MAP3K21: variants seen among roughly 807,000 people sequenced by gnomAD.
MAP3K21 encodes the protein mitogen-activated protein kinase kinase kinase 21.
MAP3K21 carries 63 observed loss-of-function variants against 86.1 expected under a neutral mutation model. That is an observed-to-expected ratio of 0.73 (90% confidence interval 0.60 to 0.90). The LOEUF (loss-of-function observed/expected upper bound fraction) is 0.90, where lower values mean the gene tolerates loss of function less well. MAP3K21 is among the 40% of genes least tolerant of loss of function. The pLI is 0.00. For missense variants in MAP3K21, 1,220 were observed against 1,367.7 expected (o/e 0.89, Z 1.70); for synonymous variants, 558 against 564.8 (o/e 0.99, Z 0.17).
intron 1 of MAP3K21, among the ~76,000 whole-genome samples, chr1:233,337,135 G>A (rs188466371): frequency 6.6e-4 from 101 of 152,052 alleles, no homozygotes; most frequent in Middle Eastern, 3.4e-3. Flanking sequence ...TCCTGTATAG[G>A]GCCGGATAGT....
At chr1:233,330,112 A>G (rs1371036278) in intron 1 of MAP3K21, among the ~76,000 whole-genome samples, 1 of 152,242 alleles carries the variant, frequency 6.6e-6, no homozygotes, top group Non-Finnish European at 1.5e-5. Context: ...CATTGTCCCT[A>G]AAGAAGAGTG....
At chr1:233,373,718 AC>A (rs940818836) in intron 6 of MAP3K21, 3 of 152,166 alleles carry the variant, frequency 2.0e-5, no homozygotes, top group African/African-American at 7.2e-5. Flanking sequence ...CATTGAGTGG[AC>A]CCTTTTATGA....
At chr1:233,369,253 G>A (rs1375929976) in intron 5 of MAP3K21, among the ~76,000 whole-genome samples, 1 of 148,094 alleles carries the variant, frequency 6.8e-6, no homozygotes, top group Admixed American at 6.8e-5. Flanking sequence ...AGCCAGGTGT[G>A]GTGGTGTGCG....
chr1:233,328,025 C>T lies in MAP3K21; in HGVS notation c.-4C>T. The T allele has an allele frequency of 7.7e-7, 1 of 1,301,668 alleles. No homozygotes were observed. Among genetic ancestry groups the T allele is most frequent in the Non-Finnish European group, 9.7e-7 (1 of 1,029,214 alleles). 80.6% of individuals were successfully genotyped at this position (1,301,668 alleles called of 1,614,324 possible). ...CGCTCCGCCTTCCCCGCGCAGCTGC[C>T]CCCATGGCTTTGCGGGGCGCCGCGG... On this transcript the variant is annotated 5_prime_UTR_variant, in exon 1 of 10. Transcript: ENST00000366624. This position sits in a 1 kb window ranked among gnomAD's most constrained non-coding sequence, Gnocchi z 8.7.
intron 4 of MAP3K21, among the ~76,000 whole-genome samples, chr1:233,358,971 G>A (rs770706003): frequency 2.0e-5 from 3 of 151,552 alleles, no homozygotes; most frequent in African/African-American, 7.3e-5. Flanking sequence ...CACCACACCC[G>A]GCTAATTTTT....
Position 233,346,579 on chromosome 1 carries a change from G to A in MAP3K21, c.943G>A (p.Val315Met), listed in dbSNP as rs1663145742. 2 of 1,613,820 alleles carry A rather than the reference G, an allele frequency of 1.2e-6. No homozygotes were observed. Among genetic ancestry groups the A allele is most frequent in the South Asian group, 1.1e-5 (1 of 91,074 alleles). ...CACCTATGCCTGGATGGCCCCCGAA[G>A]TGATCAAGTCTTCCTTGTTTTCTAA... ...AGTYAWMAPEVIKSSLFSKGS... is the reference protein window; with the variant it reads ...AGTYAWMAPEMIKSSLFSKGS... Residue 315 changes from valine (V) to methionine (M), a missense_variant, in exon 2 of 10, where the codon GTG becomes ATG. This residue lies in a region of MAP3K21 where 89 missense variants were observed against 144.8 expected (regional missense o/e 0.61). Transcript: ENST00000366624.
rs1462894534 is a variant in MAP3K21, at chr1:233,379,215, C to T, written c.2209C>T (p.Leu737=). ...TVLLASVALG[L]DLRELHKAQA... is the part of the protein sequence containing the mutation. The stretch of plus-strand genomic sequence containing the variant: ...CCTTCTGGCATCGGTGGCTCTGGGA[C>T]TGGACCTCAGAGAGCTTCATAAAGC... Residue 737 remains leucine (L), a synonymous_variant, in exon 9 of 10, where the codon CTG becomes TTG. Coordinates refer to ENST00000366624, the MANE Select transcript of MAP3K21 (RefSeq NM_032435.3). The T allele has an allele frequency of 6.2e-7, 1 of 1,614,182 alleles. No individual in the cohort carries two copies. Among genetic ancestry groups the T allele is most frequent in the East Asian group, 2.2e-5 (1 of 44,876 alleles).
At chr1:233,380,372 T>A (rs1471454247) in intron 9 of MAP3K21, among the ~76,000 whole-genome samples, 1 of 152,198 alleles carries the variant, frequency 6.6e-6, no homozygotes, top group African/African-American at 2.4e-5. Context: ...TCCTAATCTC[T>A]TTTTAGGACA....
rs149396956 is a variant in MAP3K21 at position 233,363,331 on chromosome 1, G to T, written c.1552+1038G>T. Among the ~76,000 whole-genome samples the T allele has an allele frequency of 2.6e-5, 4 of 152,302 alleles. No individual in the cohort carries two copies. In the East Asian group the frequency reaches 7.7e-4, roughly 29 times the overall value. On this transcript the variant is annotated intron_variant, in intron 5 of 9. Transcript: ENST00000366624. ...AATTGCCTTATAAAATATGTATTATGAAACACTGGAAAGCTTGCAGAATCC... is the reference window on the plus strand; with the variant it reads ...AATTGCCTTATAAAATATGTATTATTAAACACTGGAAAGCTTGCAGAATCC...
chr1:233,365,803 A>G (rs1663561592), intron 5 of MAP3K21, among the ~76,000 whole-genome samples: 1 of 152,196 alleles, frequency 6.6e-6, no homozygotes, highest in Admixed American at 6.5e-5. Flanking sequence ...AAAACTAAAA[A>G]TAGAACTGCT....
chr1:233,335,257 A>G (rs1662890590), intron 1 of MAP3K21, among the ~76,000 whole-genome samples: 1 of 152,082 alleles, frequency 6.6e-6, no homozygotes, highest in South Asian at 2.1e-4. Flanking sequence ...TGGAGCCTGA[A>G]ACTTAAATTT....
Position 233,368,620 on chromosome 1 carries a change from C to T in MAP3K21, c.1553-3418C>T, listed in dbSNP as rs147315316. Among the ~76,000 whole-genome samples, 132 of 151,914 alleles carry T rather than the reference C, an allele frequency of 8.7e-4. 1 individual carries two copies. Among genetic ancestry groups the T allele is most frequent in the Admixed American group, 6.2e-3 (95 of 15,264 alleles). On this transcript the variant is annotated intron_variant, in intron 5 of 9. Transcript: ENST00000366624. ...GCAGTGGACTGAGATTGCACCACTGCACTCCAGCCTGGATAACAGAGTAAA... is the reference window on the plus strand; with the variant it reads ...GCAGTGGACTGAGATTGCACCACTGTACTCCAGCCTGGATAACAGAGTAAA...
chr1:233,331,332 A>G (rs1233751212), intron 1 of MAP3K21, among the ~76,000 whole-genome samples: 1 of 152,232 alleles, frequency 6.6e-6, no homozygotes, highest in Non-Finnish European at 1.5e-5. Context: ...CCATTATCAT[A>G]GTTATTTAAT....
At chr1:233,364,638 A>T (rs1416794374) in intron 5 of MAP3K21, among the ~76,000 whole-genome samples, 2 of 152,218 alleles carry the variant, frequency 1.3e-5, no homozygotes, top group African/African-American at 4.8e-5. Context: ...GAGTTTATTC[A>T]AAGCAGACTG....
At position 233,346,447 on chromosome 1, in the gene MAP3K21, C is replaced by G; in HGVS notation, c.811C>G (p.Leu271Val). The change falls in exon 2 of 10, where the codon CTA (leucine) becomes GTA (valine). Residue 271 changes from leucine (L) to valine (V), a missense_variant. By Grantham distance (32) the Leu-to-Val change is conservative. Transcript: ENST00000366624. ...CACTTTTGATTTTTCTTTAGTTTTG[C>G]TACTTGAGAAGATAGAACATGATGA... The part of the protein sequence containing the change: ...HRDLKSSNIL[L>V]LEKIEHDDIC... 6.3e-7 allele frequency: 1 copy of G among 1,579,964 alleles called. No individual in the cohort carries two copies. Among genetic ancestry groups the G allele is most frequent in the African/African-American group, 1.4e-5 (1 of 73,274 alleles).
intron 4 of MAP3K21, among the ~76,000 whole-genome samples, chr1:233,358,292 C>T (rs895633253): frequency 6.6e-6 from 1 of 152,080 alleles, no homozygotes; most frequent in Non-Finnish European, 1.5e-5. Flanking sequence ...TGACCTTTCA[C>T]AGAAGCTGAG....
intron 8 of MAP3K21, among the ~76,000 whole-genome samples, chr1:233,377,494 G>C (rs1445545378): frequency 6.6e-6 from 1 of 152,164 alleles, no homozygotes; most frequent in Non-Finnish European, 1.5e-5. Flanking sequence ...GGGAGCTTGG[G>C]TCAGCAACGT....
At position 233,362,371 on chromosome 1, in the gene MAP3K21, A is replaced by C. The variant is rs142450851; in HGVS notation, c.1552+78A>C. The C allele has an allele frequency of 4.7e-6, 7 of 1,504,882 alleles. No homozygotes were observed. In the African/African-American group the frequency reaches 8.3e-5, roughly 18 times the overall value. 93.2% of individuals were successfully genotyped at this position (1,504,882 alleles called of 1,614,324 possible). On this transcript the variant is annotated intron_variant, in intron 5 of 9. Transcript: ENST00000366624. Reference sequence around the variant, plus strand: ...TCAGTTTTCTTTGTTCATCAGAACCAGGAAAGAGATAGGGAAGTAACTTTG... The same window carrying C: ...TCAGTTTTCTTTGTTCATCAGAACCCGGAAAGAGATAGGGAAGTAACTTTG...
At chr1:233,361,023 G>A (rs910032885) in intron 4 of MAP3K21, among the ~76,000 whole-genome samples, 14 of 152,178 alleles carry the variant, frequency 9.2e-5, no homozygotes, top group Non-Finnish European at 2.9e-5. Context: ...TTGCAGATGC[G>A]TTGATTTTTA....
Sources: gnomAD v4.1 joint callset for allele counts (sites outside exome capture counted in the v4.1 genomes callset) on GRCh38, gnomAD v4.1.1 for gene constraint, gnomAD v4.1.1 regional missense constraint, Gnocchi (gnomAD v3.1) non-coding constraint, MANE v1.5 for transcripts, NCBI Gene and HGNC (gene_info 2026-07-23, HGNC 2026-07-21) for gene names.